The following ARID2 variants were observed in gnomAD, a reference collection of about 807,000 sequenced individuals.
The protein encoded by ARID2 is AT-rich interactive domain-containing protein 2.
A neutral mutation model predicts 184.6 loss-of-function variants in ARID2; 32 were observed. The observed-to-expected ratio is 0.17, with a 90% CI of 0.13 to 0.23. The LOEUF (loss-of-function observed/expected upper bound fraction) is 0.23, where lower values mean the gene tolerates loss of function less well. Among genes scored for constraint, ARID2 ranks in the 10% least tolerant of loss-of-function variants. The pLI is 1.00. For synonymous variants in ARID2, 836 were observed against 772.6 expected, an observed-to-expected ratio of 1.08 and a Z score of -1.36; for missense variants, 1,696 against 2,197.6, an observed-to-expected ratio of 0.77 and a Z score of 4.56.
chr12:45,905,021 A>G lies in ARID2; in HGVS notation c.5451A>G (p.Glu1817=). ...ASSTLAKCLY[E]LNFTVQSKEQ... ...CCACCCTTGCCAAATGCCTTTATGA[A>G]CTTAATTTTACAGTTCAGAGTAAGG... Residue 1817 remains glutamate, a synonymous_variant, in exon 21 of 21, where the codon GAA becomes GAG. Transcript: ENST00000334344. The G allele has an allele frequency of 6.2e-7, 1 of 1,614,052 alleles. No individual in the cohort carries two copies. Among genetic ancestry groups the G allele is most frequent in the Non-Finnish European group, 8.5e-7 (1 of 1,179,980 alleles).
chr12:45,759,847 C>T (rs749903616), intron 3 of ARID2, among the ~76,000 whole-genome samples: 1 of 152,054 alleles, frequency 6.6e-6, no homozygotes, highest in Non-Finnish European at 1.5e-5. Flanking sequence ...CATGCAAGCG[C>T]GTGCCTGGCC....
rs1565642121 is a variant in ARID2 at position 45,893,532 on chromosome 12, C to G, written c.5260C>G (p.Arg1754Gly). Reference sequence around the variant, plus strand: ...GAGAGGATCAAGAAACCTTGTCTTTCGAGATTTTACAGTAAGCATGCCTTG... The same window carrying G: ...GAGAGGATCAAGAAACCTTGTCTTTGGAGATTTTACAGTAAGCATGCCTTG... ...LRRGSRNLVF[R>G]DFTDEKEGPI... The change falls in exon 19 of 21, where the codon CGA (arginine) becomes GGA (glycine). Residue 1754 changes from arginine to glycine, a missense_variant. Transcript: ENST00000334344. 2.5e-6 allele frequency: 4 copies of G among 1,613,466 alleles called. No individual in the cohort carries two copies. Among genetic ancestry groups the G allele is most frequent in the Non-Finnish European group, 3.4e-6 (4 of 1,179,628 alleles).
intron 3 of ARID2, among the ~76,000 whole-genome samples, chr12:45,806,673 T>G (rs918553404): frequency 1.3e-5 from 2 of 152,216 alleles, no homozygotes; most frequent in Admixed American, 6.5e-5. Flanking sequence ...TTTCTCTCTC[T>G]TTTGGAAATC....
In ARID2 at chr12:45,849,791, TG is replaced by T; in HGVS notation, c.1912+16del. ...TTCACCTGCAGGTGTTAATTTTTAT[TG>T]TATTTTTAAAGTATTACTGATTTAA... is the stretch of plus-strand genomic sequence containing the variant. On this transcript the variant is annotated intron_variant, in intron 14 of 20. Transcript: ENST00000334344. 6.2e-7 allele frequency: 1 copy of T among 1,601,190 alleles called. No homozygotes were observed. Among genetic ancestry groups the T allele is most frequent in the Non-Finnish European group, 8.5e-7 (1 of 1,173,052 alleles).
chr12:45,801,874 G>C (rs1942509141), intron 3 of ARID2, among the ~76,000 whole-genome samples: 1 of 152,122 alleles, frequency 6.6e-6, no homozygotes, highest in Non-Finnish European at 1.5e-5. Flanking sequence ...GGTGTATCTG[G>C]ATCTGGATGA....
At chr12:45,839,244 G>C (rs2138135950) in intron 10 of ARID2, 85 bp from the exon 11 acceptor site, 2 of 1,205,090 alleles carry the variant, frequency 1.7e-6, no homozygotes, top group Non-Finnish European at 2.3e-6. Flanking sequence ...ACATTGATAA[G>C]TATTCTGTAC....
At chr12:45,898,626 G>T (rs1296035032) in intron 20 of ARID2, among the ~76,000 whole-genome samples, 1 of 152,148 alleles carries the variant, frequency 6.6e-6, no homozygotes, top group Non-Finnish European at 1.5e-5. Context: ...GTTTAAATGG[G>T]TGGATTGGGC....
intron 16 of ARID2, among the ~76,000 whole-genome samples, chr12:45,878,510 C>A (rs1944047587): frequency 6.6e-6 from 1 of 152,088 alleles, no homozygotes; most frequent in South Asian, 2.1e-4. Flanking sequence ...TATCTGTATC[C>A]AGTCTGTTGA....
At chr12:45,730,405 G>A (rs1388305646) in intron 2 of ARID2, among the ~76,000 whole-genome samples, 6 of 146,316 alleles carry the variant, frequency 4.1e-5, no homozygotes, top group Admixed American at 4.1e-4. Context: ...GGGCCGGCGG[G>A]GTCTGAGCGC....
chr12:45,729,957 G>A (rs781750667), intron 1 of ARID2, 29 bp downstream of exon 1: 1 of 1,602,074 alleles, frequency 6.2e-7, no homozygotes, highest in Non-Finnish European at 8.5e-7. Flanking sequence ...GGGCAGCGCC[G>A]GGGCGAGCCG....
intron 3 of ARID2, among the ~76,000 whole-genome samples, chr12:45,768,050 T>G (rs1941804736): frequency 6.6e-6 from 1 of 152,158 alleles, no homozygotes; most frequent in Admixed American, 6.5e-5. Context: ...GTAAGAACAT[T>G]GAATTTCTGT....
At chr12:45,759,006 C>T (rs1326048704) in intron 3 of ARID2, among the ~76,000 whole-genome samples, 1 of 151,916 alleles carries the variant, frequency 6.6e-6, no homozygotes, top group East Asian at 1.9e-4. Context: ...AAGACACGCA[C>T]ACACACACAT....
chr12:45,817,046 T>C (rs931976417), intron 4 of ARID2, among the ~76,000 whole-genome samples: 5 of 152,208 alleles, frequency 3.3e-5, no homozygotes, highest in Non-Finnish European at 7.3e-5. Context: ...AAGAAGTCCA[T>C]TGAAATGCAA....
rs368383535 is a variant in ARID2 at position 45,744,811 on chromosome 12, A to G, written c.284+13497A>G. Among the ~76,000 whole-genome samples, 344 of 152,332 alleles carry G rather than the reference A, an allele frequency of 2.3e-3. 12 individuals are homozygous for G. In the South Asian group the frequency reaches 0.067, roughly 30 times the overall value. On this transcript the variant is annotated intron_variant, in intron 3 of 20. Coordinates refer to ENST00000334344, the MANE Select transcript of ARID2 (RefSeq NM_152641.4). ...TATGTTTGTTTGCGTGAATCCATTT[A>G]AATTCATCAATGCTAAATTAAATGT... is the stretch of plus-strand genomic sequence containing the variant.
At chr12:45,846,803 A>C in intron 11 of ARID2, 53 bp from the exon 12 acceptor site, 1 of 1,571,058 alleles carries the variant, frequency 6.4e-7, no homozygotes, top group Non-Finnish European at 8.7e-7. Flanking sequence ...AAAGTATGGC[A>C]AATAGTGACT....
intron 3 of ARID2, among the ~76,000 whole-genome samples, chr12:45,748,976 T>C (rs1227778628): frequency 6.6e-6 from 1 of 152,172 alleles, no homozygotes; most frequent in Non-Finnish European, 1.5e-5. Flanking sequence ...TCTACGAGGA[T>C]TGGAAACAAT....
chr12:45,882,008 T>C, intron 16 of ARID2: 1 of 188,756 alleles, frequency 5.3e-6, no homozygotes, highest in Non-Finnish European at 1.1e-5. Context: ...CTTCCCTGTC[T>C]GTCTGTCACA....
intron 3 of ARID2, among the ~76,000 whole-genome samples, chr12:45,803,400 T>G (rs1283171851): frequency 6.6e-6 from 1 of 152,226 alleles, no homozygotes; most frequent in African/African-American, 2.4e-5. Context: ...ACATTTGTCT[T>G]CAGTGATACA....
intron 11 of ARID2, 147 bp from the exon 12 acceptor site, chr12:45,846,709 G>T (rs928253878): frequency 1.6e-6 from 1 of 623,004 alleles, no homozygotes; most frequent in African/African-American, 1.9e-5. Flanking sequence ...TATTAGGTTT[G>T]TTCTCAAATG....
Sources: allele counts gnomAD v4.1 joint callset (sites outside exome capture counted in the v4.1 genomes callset), GRCh38; gene constraint gnomAD v4.1.1; transcripts MANE v1.5; gene names NCBI Gene and HGNC (gene_info 2026-07-23, HGNC 2026-07-21).